Variants in FANCD2 observed in about 807,000 individuals in gnomAD.
The protein encoded by FANCD2 is Fanconi anemia group D2 protein.
In FANCD2, 131 loss-of-function variants were observed where a neutral mutation model predicts 192.3. The ratio of observed to expected loss-of-function variants is 0.68; its 90% CI spans 0.59 to 0.79. The LOEUF (loss-of-function observed/expected upper bound fraction) is 0.79, where lower values mean the gene tolerates loss of function less well. FANCD2 is among the 30% of genes least tolerant of loss of function. The pLI is 0.00. For synonymous variants in FANCD2, 524 were observed against 612.5 expected, an observed-to-expected ratio of 0.86 and a Z score of 2.13; for missense variants, 1,508 against 1,701.6, an observed-to-expected ratio of 0.89 and a Z score of 2.00.
At chr3:10,054,473 ATTTTTTTTT>A (rs55719769) in intron 18 of FANCD2, among the ~76,000 whole-genome samples, 3 of 8,406 alleles carry the variant, frequency 3.6e-4, no homozygotes, top group African/African-American at 6.9e-4. Context: ...ATATATATAT[ATTTTTTTTT>A]TTTTTTTTTT....
intron 36 of FANCD2, among the ~76,000 whole-genome samples, chr3:10,089,362 T>A (rs921304351): frequency 6.6e-6 from 1 of 152,188 alleles, no homozygotes; most frequent in African/African-American, 2.4e-5. Context: ...CCTCATCTAA[T>A]TCTGATACAG....
At chr3:10,027,656 A>G (rs1474964184) in intron 1 of FANCD2, among the ~76,000 whole-genome samples, 1 of 152,110 alleles carries the variant, frequency 6.6e-6, no homozygotes, top group Non-Finnish European at 1.5e-5. Context: ...CTGTAATCCC[A>G]GCACTTTGGG....
intron 7 of FANCD2, among the ~76,000 whole-genome samples, chr3:10,036,646 G>A (rs2086738403): frequency 6.6e-6 from 1 of 152,016 alleles, no homozygotes; most frequent in African/African-American, 2.4e-5. Context: ...ACCAGCCTGG[G>A]CAATGTAGTG....
intron 25 of FANCD2, among the ~76,000 whole-genome samples, chr3:10,066,909 G>A (rs2087735867): frequency 6.6e-6 from 1 of 152,072 alleles, no homozygotes; most frequent in East Asian, 1.9e-4. Context: ...ATTTTTGGTA[G>A]ACATGGGCTT....
intron 16 of FANCD2, among the ~76,000 whole-genome samples, chr3:10,048,887 AAT>A (rs1266355788): frequency 6.6e-6 from 1 of 152,268 alleles, no homozygotes; most frequent in Admixed American, 6.5e-5. Flanking sequence ...ATAAAGGGAG[AAT>A]GGCATCTAAG....
chr3:10,049,654 C>T, intron 17 of FANCD2, 149 bp downstream of exon 17: 2 of 803,994 alleles, frequency 2.5e-6, no homozygotes, highest in Non-Finnish European at 4.1e-6. Flanking sequence ...CTTCTTTATA[C>T]CTAACCTACA....
intron 39 of FANCD2, 111 bp from the exon 40 acceptor site, chr3:10,094,178 A>T (rs1242870782): frequency 3.8e-6 from 3 of 786,710 alleles, no homozygotes; most frequent in East Asian, 2.5e-5. Flanking sequence ...TTTGTTTTTT[A>T]TATATATAAA....
chr3:10,074,817 A>G (rs1213178204), intron 29 of FANCD2, 144 bp downstream of exon 29: 2 of 692,356 alleles, frequency 2.9e-6, no homozygotes, highest in Non-Finnish European at 4.9e-6. Context: ...GCAATGATGA[A>G]TAATCATCCT....
At chr3:10,078,877 A>G (rs999054949) in intron 30 of FANCD2, among the ~76,000 whole-genome samples, 8 of 150,136 alleles carry the variant, frequency 5.3e-5, no homozygotes, top group African/African-American at 2.0e-4. Flanking sequence ...AGGCATGGGG[A>G]GGAGGAGGTT....
At chr3:10,032,358 A>C in intron 2 of FANCD2, 1 of 386,544 alleles carries the variant, frequency 2.6e-6, no homozygotes, top group Non-Finnish European at 5.1e-6. Flanking sequence ...ATAGCTCACT[A>C]TAGCCTCAAC....
In FANCD2 at chr3:10,044,012, G is replaced by T. The variant is rs1357531257; in HGVS notation, c.1134+148G>T. ...TGCTCTAATAAACATTAGCTGTCTGGGGAAGATAATCTGAGGTGGCGACTG... is the reference window on the plus strand; with the variant it reads ...TGCTCTAATAAACATTAGCTGTCTGTGGAAGATAATCTGAGGTGGCGACTG... On this transcript the variant is annotated intron_variant, in intron 14 of 43. Transcript: ENST00000675286. 7.2e-6 allele frequency: 5 copies of T among 689,982 alleles called. No individual in the cohort carries two copies. In the Admixed American group the frequency reaches 1.1e-4, roughly 15 times the overall value. 42.7% of individuals were successfully genotyped at this position (689,982 alleles called of 1,614,324 possible).
chr3:10,054,055 T>C (rs1446005497), intron 18 of FANCD2, among the ~76,000 whole-genome samples: 1 of 151,400 alleles, frequency 6.6e-6, no homozygotes, highest in African/African-American at 2.4e-5. Context: ...TACAAAAACA[T>C]AGAAAAATTA....
rs1240654999 is a variant in FANCD2 at position 10,051,103 on chromosome 3, G to A, written c.1546-1284G>A. Among the ~76,000 whole-genome samples the A allele has an allele frequency of 6.6e-5, 10 of 150,676 alleles. No homozygotes were observed. In the East Asian group the frequency reaches 1.2e-3, roughly 18 times the overall value. ...CTGTCAAAAAAAAAAGAGTGAGGCCGGGCGCGGTGGCTCACGCCTGTAATC... is the reference window on the plus strand; with the variant it reads ...CTGTCAAAAAAAAAAGAGTGAGGCCAGGCGCGGTGGCTCACGCCTGTAATC... On this transcript the variant is annotated intron_variant, in intron 17 of 43. Coordinates refer to ENST00000675286, the MANE Select transcript of FANCD2 (RefSeq NM_001018115.3).
Position 10,039,369 on chromosome 3 carries a change from G to A in FANCD2, c.570+12G>A. On this transcript the variant is annotated intron_variant, in intron 8 of 43. Coordinates refer to ENST00000675286, the MANE Select transcript of FANCD2 (RefSeq NM_001018115.3). ...TTGTGGATGGCAAGGTAGGCTTATGGACTTTATCTCTTGAATTTAAAGAGT... is the reference window on the plus strand; with the variant it reads ...TTGTGGATGGCAAGGTAGGCTTATGAACTTTATCTCTTGAATTTAAAGAGT... 2 of 1,600,268 alleles carry A rather than the reference G, an allele frequency of 1.2e-6. No homozygotes were observed. Among genetic ancestry groups the A allele is most frequent in the Non-Finnish European group, 1.7e-6 (2 of 1,167,680 alleles).
chr3:10,097,987 G>T (rs1271851876), intron 42 of FANCD2, among the ~76,000 whole-genome samples: 1 of 138,800 alleles, frequency 7.2e-6, no homozygotes, highest in African/African-American at 3.2e-5. Context: ...GCATTTATAA[G>T]GTTTTTTTTA....
chr3:10,034,132 G>A (rs2086670256), intron 3 of FANCD2, among the ~76,000 whole-genome samples: 1 of 150,036 alleles, frequency 6.7e-6, no homozygotes, highest in Non-Finnish European at 1.5e-5. Flanking sequence ...GACCATCCTG[G>A]CTAACACAGT....
intron 19 of FANCD2, among the ~76,000 whole-genome samples, chr3:10,061,681 C>T (rs796999436): frequency 4.6e-5 from 7 of 151,652 alleles, no homozygotes; most frequent in East Asian, 3.9e-4. Context: ...AAAATATGTA[C>T]GAAAAAGAAA....
chr3:10,048,279 A>G (rs1308466952), intron 16 of FANCD2, among the ~76,000 whole-genome samples: 2 of 152,242 alleles, frequency 1.3e-5, no homozygotes, highest in African/African-American at 4.8e-5. Context: ...ATCCAGATCT[A>G]GTCCATTTCA....
At chr3:10,034,900 T>G (rs2086692771) in intron 5 of FANCD2, 102 bp downstream of exon 5, 1 of 895,944 alleles carries the variant, frequency 1.1e-6, no homozygotes, top group African/African-American at 1.7e-5. Context: ...TCATTTTTGG[T>G]GTAAGCTCTG....
Sources: allele counts gnomAD v4.1 joint callset (sites outside exome capture counted in the v4.1 genomes callset), GRCh38; gene constraint gnomAD v4.1.1; transcripts MANE v1.5; gene names NCBI Gene and HGNC (gene_info 2026-07-23, HGNC 2026-07-21).